Variants in TTC7A observed in about 807,000 individuals in gnomAD.
TTC7A encodes tetratricopeptide repeat domain 7A.
In TTC7A, 110 loss-of-function variants were observed where a neutral mutation model predicts 103.7. That is an observed-to-expected ratio of 1.06 (90% CI 0.91 to 1.24). The LOEUF is 1.24. Among genes scored for constraint, TTC7A ranks in the 50% most tolerant of loss-of-function variants. TTC7A has a pLI of 0.00. For missense variants in TTC7A, 1,340 were observed against 1,116.3 expected (o/e 1.20, Z -2.86); for synonymous variants, 521 against 467.9 (o/e 1.11, Z -1.47).
chr2:46,931,095 TAGAC>T (rs532081374), intron 2 of TTC7A, among the ~76,000 whole-genome samples: 14 of 152,204 alleles, frequency 9.2e-5, no homozygotes, highest in Non-Finnish European at 1.5e-4. Flanking sequence ...ATCAATGTGA[TAGAC>T]AGAATAATGG....
intron 11 of TTC7A, among the ~76,000 whole-genome samples, chr2:47,020,445 A>G (rs781084200): frequency 6.6e-6 from 1 of 152,204 alleles, no homozygotes; most frequent in Non-Finnish European, 1.5e-5. Context: ...ATGGCCTCCC[A>G]TAAGCCCTGG....
intron 19 of TTC7A, among the ~76,000 whole-genome samples, chr2:47,070,823 G>A (rs921311483): frequency 6.6e-5 from 10 of 152,188 alleles, no homozygotes; most frequent in African/African-American, 4.8e-5. Context: ...TTGGAGGTAC[G>A]ATGTCTGATC....
chr2:47,039,085 T>C (rs1335065523), intron 15 of TTC7A, among the ~76,000 whole-genome samples: 1 of 152,112 alleles, frequency 6.6e-6, no homozygotes. Context: ...GCAACCCTCC[T>C]GGGCAGTACC....
At chr2:46,931,528 T>TTA (rs1481198351) in intron 2 of TTC7A, among the ~76,000 whole-genome samples, 1 of 148,138 alleles carries the variant, frequency 6.8e-6, no homozygotes, top group African/African-American at 2.5e-5. Flanking sequence ...AGGGTCAGAG[T>TTA]CAGAGTAGAG....
intron 2 of TTC7A, among the ~76,000 whole-genome samples, chr2:46,933,526 G>A (rs1669817754): frequency 6.6e-6 from 1 of 152,214 alleles, no homozygotes; most frequent in South Asian, 2.1e-4. Flanking sequence ...CATATAGCCA[G>A]CTCCTGGCAG....
chr2:47,009,034 T>A (rs1408210780), intron 10 of TTC7A, among the ~76,000 whole-genome samples: 1 of 151,830 alleles, frequency 6.6e-6, no homozygotes, highest in Non-Finnish European at 1.5e-5. Context: ...GAGAACCCTG[T>A]GTGGCAAGGA....
chr2:46,945,983 C>A (rs1279125131), intron 1 of TTC7A, among the ~76,000 whole-genome samples: 1 of 152,178 alleles, frequency 6.6e-6, no homozygotes, highest in Non-Finnish European at 1.5e-5. Context: ...TGTTTCCTGA[C>A]TGTGAATGGG....
At chr2:47,043,916 C>G (rs1204082545) in intron 15 of TTC7A, among the ~76,000 whole-genome samples, 1 of 152,244 alleles carries the variant, frequency 6.6e-6, no homozygotes, top group Admixed American at 6.5e-5. Flanking sequence ...CTGCCCTAGA[C>G]CCATTCCGGC....
chr2:46,980,071 GCCAT>G (rs1674285411), intron 5 of TTC7A, among the ~76,000 whole-genome samples: 1 of 152,190 alleles, frequency 6.6e-6, no homozygotes, highest in Non-Finnish European at 1.5e-5. Flanking sequence ...AGGCCTGTGT[GCCAT>G]TTTTAGTGTG....
At chr2:46,929,722 C>T (rs1351429600) in intron 2 of TTC7A, among the ~76,000 whole-genome samples, 1 of 151,946 alleles carries the variant, frequency 6.6e-6, no homozygotes, top group Non-Finnish European at 1.5e-5. Flanking sequence ...TTGCAAAAAG[C>T]CAGAAAAATA....
intron 2 of TTC7A, among the ~76,000 whole-genome samples, chr2:46,931,544 C>A (rs1669703655): frequency 6.6e-6 from 1 of 152,046 alleles, no homozygotes; most frequent in Non-Finnish European, 1.5e-5. Flanking sequence ...TAGAGGTGCC[C>A]ATGGAAGCAA....
At chr2:47,011,898 C>G (rs1274138277) in intron 11 of TTC7A, among the ~76,000 whole-genome samples, 1 of 152,246 alleles carries the variant, frequency 6.6e-6, no homozygotes, top group African/African-American at 2.4e-5. Flanking sequence ...CCTCTTGGCT[C>G]CAGCCCTCCA....
intron 8 of TTC7A, among the ~76,000 whole-genome samples, chr2:47,003,931 G>C (rs1486689260): frequency 6.6e-6 from 1 of 152,220 alleles, no homozygotes; most frequent in African/African-American, 2.4e-5. Flanking sequence ...TGTATTCCTA[G>C]TTGGCTCAGG....
intron 18 of TTC7A, among the ~76,000 whole-genome samples, chr2:47,059,766 A>G (rs1186370537): frequency 3.3e-5 from 5 of 152,196 alleles, no homozygotes. Flanking sequence ...CAGACAGCCC[A>G]GTGCAAACCC....
intron 3 of TTC7A, chr2:46,958,691 C>T (rs3814035): frequency 0.062 from 30,507 of 489,964 alleles, 1,129 homozygotes; most frequent in Middle Eastern, 0.093. Context: ...GCAGTGACCA[C>T]GCCTGCTGCC....
exon 1 of TTC7A, chr2:46,916,207 T>C: frequency 2.1e-6 from 2 of 972,918 alleles, no homozygotes; most frequent in Non-Finnish European, 2.4e-6. Context: ...CTGCTGCAAG[T>C]TGGGAAGAAA....
chr2:47,025,205 G>C (rs1238885070), intron 14 of TTC7A, among the ~76,000 whole-genome samples: 1 of 152,194 alleles, frequency 6.6e-6, no homozygotes, highest in Non-Finnish European at 1.5e-5. Context: ...TCAGGTGGAG[G>C]GCAGCCCTGC....
chr2:46,965,563 A>ATTT (rs55634000), intron 3 of TTC7A, among the ~76,000 whole-genome samples: 9 of 135,428 alleles, frequency 6.6e-5, no homozygotes, highest in South Asian at 2.4e-4. Flanking sequence ...CCCTGGATTC[A>ATTT]TTTTTTTTTT....
Position 46,941,667 on chromosome 2 carries a change from C to G in TTC7A, c.126C>G (p.Pro42=). 6.4e-7 allele frequency: 1 copy of G among 1,551,896 alleles called. No individual in the cohort carries two copies. Among genetic ancestry groups the G allele is most frequent in the Non-Finnish European group, 8.7e-7 (1 of 1,148,024 alleles). ...LVRQLQTLSM[P]GGGGNRRGSP... is the part of the protein sequence containing the mutation. ...GGCAGCTGCAGACGCTGAGCATGCC[C>G]GGCGGCGGAGGTAACAGGCGAGGCA... Residue 42 remains proline, a synonymous_variant, in exon 1 of 20, where the codon CCC becomes CCG. Transcript: ENST00000319190. The surrounding 1 kb of genome is among the most constrained non-coding windows in gnomAD (Gnocchi z 4.2).
Sources: allele counts gnomAD v4.1 joint callset (sites outside exome capture counted in the v4.1 genomes callset), GRCh38; gene constraint gnomAD v4.1.1; non-coding constraint Gnocchi (gnomAD v3.1); transcripts MANE v1.5; gene names NCBI Gene and HGNC (gene_info 2026-07-23, HGNC 2026-07-21).